The following RSF1 variants were observed in gnomAD, a reference collection of about 807,000 sequenced individuals.
RSF1 encodes the protein HBV pX-associated protein 8.
RSF1 carries 13 observed loss-of-function variants against 145.2 expected under a neutral mutation model. The ratio of observed to expected loss-of-function variants is 0.09; its 90% CI spans 0.06 to 0.14. The LOEUF (loss-of-function observed/expected upper bound fraction) is 0.14, where lower values mean the gene tolerates loss of function less well. Among genes scored for constraint, RSF1 ranks in the 10% least tolerant of loss-of-function variants. The pLI, the probability that RSF1 is intolerant of heterozygous loss-of-function variation, is 1.00. For missense variants in RSF1, 1,517 were observed against 1,718.2 expected (o/e 0.88, Z 2.07); for synonymous variants, 577 against 592.6 (o/e 0.97, Z 0.38).
At chr11:77,671,160 T>A (rs866248408) in intron 15 of RSF1, among the ~76,000 whole-genome samples, 4 of 79,816 alleles carry the variant, frequency 5.0e-5, no homozygotes, top group African/African-American at 2.1e-4. Context: ...TATATATATA[T>A]ATATATATAT....
chr11:77,839,848 G>A, the RSF1 span, among the ~76,000 whole-genome samples: 1 of 152,100 alleles, frequency 6.6e-6, no homozygotes, highest in South Asian at 2.1e-4. Flanking sequence ...AGAGCATCAG[G>A]ATAAATAGCT....
chr11:77,735,609 A>C (rs958872446), intron 4 of RSF1, among the ~76,000 whole-genome samples: 2 of 152,250 alleles, frequency 1.3e-5, no homozygotes, highest in African/African-American at 2.4e-5. Context: ...AAAAAACAAG[A>C]AGCTTTTAAT....
At chr11:77,745,551 A>G (rs1328556584) in intron 3 of RSF1, among the ~76,000 whole-genome samples, 2 of 151,826 alleles carry the variant, frequency 1.3e-5, no homozygotes, top group East Asian at 3.8e-4. Flanking sequence ...CATGGTATAA[A>G]ACTTTCAATA....
At chr11:77,799,522 G>C (rs1336906147) in intron 1 of RSF1, among the ~76,000 whole-genome samples, 1 of 135,368 alleles carries the variant, frequency 7.4e-6, no homozygotes, top group Admixed American at 7.4e-5. Context: ...AAAAAAAAAA[G>C]CAAAGGATAT....
chr11:77,778,333 T>TCCC (rs2135953673), intron 1 of RSF1, among the ~76,000 whole-genome samples: 1 of 151,334 alleles, frequency 6.6e-6, no homozygotes, highest in South Asian at 2.1e-4. Context: ...CCTAGCGGTG[T>TCCC]TTTACTAAGA....
chr11:77,678,355 TAC>T (rs1351635106), intron 11 of RSF1, among the ~76,000 whole-genome samples: 4 of 152,124 alleles, frequency 2.6e-5, no homozygotes, highest in Admixed American at 1.3e-4. Flanking sequence ...TAGCTGGGAC[TAC>T]AGACGCGTGC....
intron 4 of RSF1, among the ~76,000 whole-genome samples, chr11:77,735,953 G>T (rs888290533): frequency 5.3e-5 from 8 of 152,152 alleles, no homozygotes; most frequent in African/African-American, 1.9e-4. Context: ...TGGCCAGGAT[G>T]GTCTCGATAT....
rs1386719952 is a variant in RSF1 at position 77,701,304 on chromosome 11, G to A, written c.1925C>T (p.Ala642Val). The change falls in exon 6 of 16, where the codon GCC (alanine) becomes GTC (valine). Residue 642 changes from alanine (A) to valine (V), a missense_variant. Physicochemically the swap from Ala to Val is moderately conservative, Grantham distance 64. Transcript: ENST00000308488. ...GCATTCTACCACTTCTTTTTCTGAG[G>A]CTAGTTTCTCACAGTGGTCAATGAT... Reference protein sequence around the residue: ...SNIIDHCEKLASEKEVVECQS... With the variant: ...SNIIDHCEKLVSEKEVVECQS... 6.2e-7 allele frequency: 1 copy of A among 1,613,914 alleles called. No homozygotes were observed. The highest frequency in any genetic ancestry group is 8.5e-7 in the Non-Finnish European group (1 of 1,180,018).
chr11:77,725,616 T>C lies in RSF1; in HGVS notation c.662A>G (p.Asp221Gly). ...PVLLKNSSQQ[D>G]NSSRESPSLE... ...GCTGGGACTTTCCCGAGAAGAGTTG[T>C]CTTGTTGGCTAGAGTTTTTCAATAG... is the stretch of plus-strand genomic sequence containing the variant. The change falls in exon 5 of 16, where the codon GAC becomes GGC. Residue 221 changes from aspartate (D) to glycine (G), a missense_variant. Asp to Gly is a moderately conservative substitution (Grantham distance 94, BLOSUM62 -1). Coordinates refer to ENST00000308488, the MANE Select transcript of RSF1 (RefSeq NM_016578.4). The C allele has an allele frequency of 6.2e-7, 1 of 1,612,010 alleles. No homozygotes were observed. Among genetic ancestry groups the C allele is most frequent in the Middle Eastern group, 1.7e-4 (1 of 6,054 alleles).
At chr11:77,718,721 C>T (rs1960875569) in intron 5 of RSF1, among the ~76,000 whole-genome samples, 1 of 152,118 alleles carries the variant, frequency 6.6e-6, no homozygotes, top group African/African-American at 2.4e-5. Context: ...ATTTGCAAGC[C>T]AGGAAAAGAG....
the RSF1 span, among the ~76,000 whole-genome samples, chr11:77,839,915 T>C: frequency 3.3e-5 from 5 of 152,268 alleles, no homozygotes; most frequent in African/African-American, 9.6e-5. Context: ...CAAACCACCA[T>C]GGCACATGTG....
At chr11:77,732,022 G>T (rs1294308199) in intron 4 of RSF1, among the ~76,000 whole-genome samples, 3 of 152,192 alleles carry the variant, frequency 2.0e-5, no homozygotes, top group African/African-American at 7.2e-5. Context: ...TCCACTGATA[G>T]CTTGCACCGT....
At chr11:77,715,571 C>T (rs1424043121) in intron 5 of RSF1, among the ~76,000 whole-genome samples, 1 of 152,054 alleles carries the variant, frequency 6.6e-6, no homozygotes, top group African/African-American at 2.4e-5. Flanking sequence ...CCTTGGCTTC[C>T]CAAGTAGCTG....
Position 77,820,550 on chromosome 11 carries a change from C to T in RSF1, c.165G>A (p.Pro55=), listed in dbSNP as rs570452831. ...TACCTTCTCCGTTGCCGACGTCCGG[C>T]GGCGGCGCCTGCAGCACCCGCTCCA... The part of the protein sequence containing the change: ...PELERVLQAP[P]PDVGNGEVPK... The change falls in exon 1 of 16, where the codon CCG becomes CCA. Residue 55 remains proline (P), a synonymous_variant. Coordinates refer to ENST00000308488, the MANE Select transcript of RSF1 (RefSeq NM_016578.4). 7.7e-6 allele frequency: 12 copies of T among 1,549,424 alleles called. No individual in the cohort carries two copies. The East Asian group carries it at 2.4e-4, about 31-fold the overall frequency.
intron 4 of RSF1, among the ~76,000 whole-genome samples, chr11:77,729,401 A>G (rs937770833): frequency 8.5e-5 from 13 of 152,128 alleles, no homozygotes; most frequent in Non-Finnish European, 1.3e-4. Context: ...ATTTTCCTAT[A>G]TGTACCTTAA....
rs145691986 is a variant in RSF1, at chr11:77,689,645, A to G, written c.2900+1514T>C. Among the ~76,000 whole-genome samples the G allele has an allele frequency of 5.3e-3, 806 of 152,272 alleles. 9 individuals are homozygous for G. Among genetic ancestry groups the G allele is most frequent in the Non-Finnish European group, 6.9e-3 (467 of 68,018 alleles). ...CTGTACTATATTATTGGTCTGTACT[A>G]TATTATTGGTTCATATGTCTGTATT... On this transcript the variant is annotated intron_variant, in intron 9 of 15. Transcript: ENST00000308488.
At chr11:77,832,623 G>A in the RSF1 span, among the ~76,000 whole-genome samples, 2 of 151,938 alleles carry the variant, frequency 1.3e-5, no homozygotes, top group East Asian at 3.9e-4. Context: ...ACCGCGCCTG[G>A]CCATAGAGGA....
At chr11:77,690,515 G>A (rs1028751758) in intron 9 of RSF1, among the ~76,000 whole-genome samples, 3 of 152,090 alleles carry the variant, frequency 2.0e-5, no homozygotes, top group Admixed American at 6.5e-5. Context: ...GTGCAGTGGC[G>A]TGATCTTGGC....
chr11:77,870,931 A>G, the RSF1 span, among the ~76,000 whole-genome samples: 1 of 151,994 alleles, frequency 6.6e-6, no homozygotes, highest in East Asian at 1.9e-4. Flanking sequence ...ATAGAGGCCT[A>G]CCTCATTCTT....
Sources: allele counts gnomAD v4.1 joint callset (sites outside exome capture counted in the v4.1 genomes callset), GRCh38; gene constraint gnomAD v4.1.1; transcripts MANE v1.5; gene names NCBI Gene and HGNC (gene_info 2026-07-23, HGNC 2026-07-21).